Variants in PTPRN2 observed in about 807,000 individuals in gnomAD.
PTPRN2 encodes the protein protein tyrosine phosphatase receptor type N2.
A neutral mutation model predicts 118.8 loss-of-function variants in PTPRN2; 74 were observed. The observed-to-expected ratio is 0.62, with a 90% CI of 0.52 to 0.76. The LOEUF (loss-of-function observed/expected upper bound fraction) is 0.76, where lower values mean the gene tolerates loss of function less well. Ranked by LOEUF, PTPRN2 falls within the 30% of genes least tolerant of loss-of-function variation. The pLI is 0.00. For missense variants in PTPRN2, 1,481 were observed against 1,394.4 expected (o/e 1.06, Z -0.99); for synonymous variants, 641 against 608.0 (o/e 1.05, Z -0.80).
intron 5 of PTPRN2, among the ~76,000 whole-genome samples, chr7:158,178,253 T>C (rs995189620): frequency 2.6e-5 from 4 of 152,216 alleles, no homozygotes; most frequent in Non-Finnish European, 5.9e-5. Context: ...GTCACATGTA[T>C]GAATTTAATA....
chr7:157,709,088 C>T (rs769218690), intron 12 of PTPRN2, among the ~76,000 whole-genome samples: 35 of 152,336 alleles, frequency 2.3e-4, no homozygotes, highest in Non-Finnish European at 3.5e-4. Context: ...TGGCTTCTGC[C>T]TCTCCCAGTG....
intron 3 of PTPRN2, among the ~76,000 whole-genome samples, chr7:158,251,588 T>C (rs1227125349): frequency 6.7e-6 from 1 of 148,414 alleles, no homozygotes. Flanking sequence ...GTGCAATGGA[T>C]GTCTATGGTG....
intron 2 of PTPRN2, among the ~76,000 whole-genome samples, chr7:158,441,772 AGTGGTG>A (rs796717160): frequency 2.5e-4 from 12 of 48,378 alleles, no homozygotes; most frequent in East Asian, 1.1e-3. Flanking sequence ...TGGTCATGGC[AGTGGTG>A]GTGATGGTGA....
chr7:158,075,692 G>A lies in PTPRN2; in HGVS notation c.1723+5606C>T, dbSNP rs140573408. 3.5e-3 allele frequency among the ~76,000 whole-genome samples: 528 copies of A among 152,354 alleles called. 6 individuals carry two copies. Among genetic ancestry groups the A allele is most frequent in the African/African-American group, 0.012 (503 of 41,586 alleles). The stretch of plus-strand genomic sequence containing the variant: ...GCCGTGAGTCAGGGATGTTCTAAGA[G>A]CAGGAGGAGAGCGTGGTGCTTCCCT... On this transcript the variant is annotated intron_variant, in intron 11 of 22. Transcript: ENST00000389418.
intron 3 of PTPRN2, among the ~76,000 whole-genome samples, chr7:158,302,630 A>G (rs1172578696): frequency 6.6e-6 from 1 of 152,240 alleles, no homozygotes; most frequent in African/African-American, 2.4e-5. Context: ...CAACCAAAAC[A>G]GGGCAGTTAC....
intron 13 of PTPRN2, among the ~76,000 whole-genome samples, chr7:157,661,182 C>G (rs150528420): frequency 4.6e-5 from 7 of 152,402 alleles, no homozygotes; most frequent in African/African-American, 1.7e-4. Context: ...CGGGGACCCG[C>G]GGCTCTCACC....
At chr7:158,484,560 A>G (rs1425710942) in intron 2 of PTPRN2, among the ~76,000 whole-genome samples, 1 of 152,046 alleles carries the variant, frequency 6.6e-6, no homozygotes, top group African/African-American at 2.4e-5. Flanking sequence ...ACGGGGTTTC[A>G]CCATGTTGGC....
intron 2 of PTPRN2, among the ~76,000 whole-genome samples, chr7:158,485,060 G>A (rs1260862873): frequency 1.3e-5 from 2 of 152,118 alleles, no homozygotes; most frequent in Non-Finnish European, 2.9e-5. Context: ...CGGAGGGAAG[G>A]CAGACACCCT....
intron 11 of PTPRN2, among the ~76,000 whole-genome samples, chr7:157,912,078 G>A (rs942610596): frequency 1.3e-5 from 2 of 152,158 alleles, no homozygotes; most frequent in Non-Finnish European, 2.9e-5. Flanking sequence ...CCAGGCCCAT[G>A]TAGAGAATTT....
Position 158,534,506 on chromosome 7 carries a change from C to T in PTPRN2, c.113-44721G>A. On this transcript the variant is annotated intron_variant, in intron 1 of 22. Coordinates refer to ENST00000389418, the MANE Select transcript of PTPRN2 (RefSeq NM_002847.5). ...ACAGCTGTGTGCTGCTCTTCATTTC[C>T]CAAACGCAGTGGGATCAGGCCTGGC... is the stretch of plus-strand genomic sequence containing the variant. 1.3e-5 allele frequency among the ~76,000 whole-genome samples: 2 copies of T among 152,182 alleles called. 1 individual carries two copies. Among genetic ancestry groups the T allele is most frequent in the East Asian group, 3.8e-4 (2 of 5,196 alleles).
intron 3 of PTPRN2, among the ~76,000 whole-genome samples, chr7:158,251,473 T>A (rs1170308457): frequency 2.0e-5 from 3 of 150,466 alleles, no homozygotes; most frequent in Non-Finnish European, 4.4e-5. Context: ...GTGCAATGGA[T>A]GTATATGGTG....
intron 11 of PTPRN2, among the ~76,000 whole-genome samples, chr7:158,048,586 A>G (rs1277302164): frequency 1.4e-5 from 2 of 145,450 alleles, no homozygotes; most frequent in African/African-American, 2.6e-5. Flanking sequence ...CATCACTATC[A>G]TCATCATCAC....
At chr7:157,911,306 C>T (rs1168270679) in intron 11 of PTPRN2, among the ~76,000 whole-genome samples, 4 of 152,148 alleles carry the variant, frequency 2.6e-5, no homozygotes, top group East Asian at 3.8e-4. Context: ...AGATTTACCA[C>T]GATGCAAAGA....
intron 14 of PTPRN2, among the ~76,000 whole-genome samples, chr7:157,655,595 C>T (rs1806019507): frequency 6.6e-6 from 1 of 152,226 alleles, no homozygotes; most frequent in Admixed American, 6.5e-5. Flanking sequence ...GCTGCTTCGG[C>T]CAAGCAGCGT....
intron 3 of PTPRN2, among the ~76,000 whole-genome samples, chr7:158,213,775 G>A (rs938347410): frequency 7.9e-5 from 12 of 152,036 alleles, no homozygotes; most frequent in African/African-American, 2.4e-4. Flanking sequence ...TTTTAACCAC[G>A]CCATTCCTAA....
intron 10 of PTPRN2, among the ~76,000 whole-genome samples, chr7:158,082,850 C>T (rs567123149): frequency 1.3e-5 from 2 of 152,244 alleles, no homozygotes; most frequent in East Asian, 1.9e-4. Context: ...CCTTGGAAGC[C>T]GCCTCCAGGG....
Position 157,785,663 on chromosome 7 carries a change from C to T in PTPRN2, c.1789-102726G>A, listed in dbSNP as rs1016095207. On this transcript the variant is annotated intron_variant, in intron 12 of 22. Coordinates refer to ENST00000389418, the MANE Select transcript of PTPRN2 (RefSeq NM_002847.5). The surrounding 1 kb of genome is among the most constrained non-coding windows in gnomAD (Gnocchi z 7.3). ...GTGGGCAGAGGGCAGAGACGGAGACCGTGGGCACAGCACACCAAGGGGGAG... is the reference window on the plus strand; with the variant it reads ...GTGGGCAGAGGGCAGAGACGGAGACTGTGGGCACAGCACACCAAGGGGGAG... 2.6e-5 allele frequency among the ~76,000 whole-genome samples: 4 copies of T among 152,096 alleles called. No homozygotes were observed. Among genetic ancestry groups the T allele is most frequent in the African/African-American group, 4.8e-5 (2 of 41,390 alleles).
chr7:157,817,658 CG>C (rs1342531806), intron 12 of PTPRN2, among the ~76,000 whole-genome samples: 5 of 152,372 alleles, frequency 3.3e-5, no homozygotes, highest in Admixed American at 1.3e-4. Context: ...TCTGGAGCTA[CG>C]GCCGGGGCCA....
In PTPRN2 at chr7:157,622,908, G is replaced by C. The variant is rs928718770; in HGVS notation, c.2197-1399C>G. Among the ~76,000 whole-genome samples the C allele has an allele frequency of 2.6e-5, 4 of 152,178 alleles. No homozygotes were observed. Among genetic ancestry groups the C allele is most frequent in the Non-Finnish European group, 4.4e-5 (3 of 68,034 alleles). ...GAACGCTTTTCCCCCACCACACCTT[G>C]AGCCTTGGGAGCACACCTGCGCCAG... On this transcript the variant is annotated intron_variant, in intron 14 of 22. Coordinates refer to ENST00000389418, the MANE Select transcript of PTPRN2 (RefSeq NM_002847.5). This position sits in a 1 kb window ranked among gnomAD's most constrained non-coding sequence, Gnocchi z 5.3.
Sources: gnomAD v4.1 joint callset for allele counts (sites outside exome capture counted in the v4.1 genomes callset) on GRCh38, gnomAD v4.1.1 for gene constraint, Gnocchi (gnomAD v3.1) non-coding constraint, MANE v1.5 for transcripts, NCBI Gene and HGNC (gene_info 2026-07-23, HGNC 2026-07-21) for gene names.